Variants in HNRNPA1 observed in about 807,000 individuals in gnomAD.
HNRNPA1 encodes epididymis secretory sperm binding protein.
Under a neutral mutation model 44.4 loss-of-function variants are expected in HNRNPA1, and 7 were observed. That is an observed-to-expected ratio of 0.16 (90% CI 0.09 to 0.30). The LOEUF is 0.30. Among genes scored for constraint, HNRNPA1 ranks in the 10% least tolerant of loss-of-function variants. The probability of loss-of-function intolerance (pLI) is 1.00; values close to 1 mark genes in which losing one functional copy is unlikely to be tolerated. For missense variants in HNRNPA1, 193 were observed against 465.8 expected (o/e 0.41, Z 5.39); for synonymous variants, 169 against 160.6 (o/e 1.05, Z -0.40).
intron 7 of HNRNPA1, 68 bp downstream of exon 7, chr12:54,282,942 G>A: frequency 6.7e-7 from 1 of 1,490,190 alleles, no homozygotes; most frequent in Non-Finnish European, 9.1e-7. Context: ...GGTTAGTAGA[G>A]ACTAAAATTC....
At chr12:54,282,372 T>C (rs1944187230) in intron 4 of HNRNPA1, 22 bp from the exon 5 acceptor site, 3 of 1,610,794 alleles carry the variant, frequency 1.9e-6, no homozygotes, top group Admixed American at 1.7e-5. Flanking sequence ...GATACCATGT[T>C]GTATCTATGT....
intron 7 of HNRNPA1, 32 bp from the exon 8 acceptor site, chr12:54,283,047 T>G (rs766464931): frequency 6.2e-7 from 1 of 1,607,748 alleles, no homozygotes; most frequent in Non-Finnish European, 8.5e-7. Context: ...TCAAATACTT[T>G]TGTCTTATTG....
intron 7 of HNRNPA1, 42 bp from the exon 8 acceptor site, chr12:54,283,037 T>C (rs1385058193): frequency 1.9e-6 from 3 of 1,602,760 alleles, no homozygotes; most frequent in Non-Finnish European, 2.6e-6. Flanking sequence ...GTTTTCATTG[T>C]CAAATACTTT....
At chr12:54,284,213 A>G in intron 9 of HNRNPA1, 45 bp from the exon 10 acceptor site, 1 of 1,582,392 alleles carries the variant, frequency 6.3e-7, no homozygotes, top group Non-Finnish European at 8.7e-7. Flanking sequence ...TGAAAACATT[A>G]CTGTTGGCAC....
In HNRNPA1 at chr12:54,286,934, C is replaced by G. The variant is rs551880122; in HGVS notation, c.*2390C>G. 3 of 152,320 alleles carry G rather than the reference C, an allele frequency of 2.0e-5. No individual in the cohort carries two copies. Among genetic ancestry groups the G allele is most frequent in the South Asian group, 4.1e-4 (2 of 4,830 alleles). 9.4% of individuals were successfully genotyped at this position (152,320 alleles called of 1,614,324 possible). On this transcript the variant is annotated 3_prime_UTR_variant, in exon 11 of 11. Transcript: ENST00000340913. ...CTCTGCTTATATGAATACTTTACAA[C>G]CTCTTTTGCCTTTTGCAGGAACGTC...
Position 54,283,804 on chromosome 12 carries a change from A to G in HNRNPA1, c.908-8A>G, listed in dbSNP as rs762809338. The G allele has an allele frequency of 6.2e-7, 1 of 1,613,666 alleles. No homozygotes were observed. Among genetic ancestry groups the G allele is most frequent in the Non-Finnish European group, 8.5e-7 (1 of 1,179,626 alleles). ...GTAACAGATAAAGGCCCTCTTTCCC[A>G]TTCATAGGAAGCAATTTTGGAGGTG... On this transcript the variant is annotated splice_polypyrimidine_tract_variant and splice_region_variant and intron_variant, in intron 8 of 10. Coordinates refer to ENST00000340913, the MANE Select transcript of HNRNPA1 (RefSeq NM_031157.4).
chr12:54,284,326 G>A lies in HNRNPA1; in HGVS notation c.*4+9G>A, dbSNP rs185440272. 630 of 1,612,352 alleles carry A rather than the reference G, an allele frequency of 3.9e-4. 5 individuals carry two copies. In the African/African-American group the frequency reaches 7.9e-3, roughly 20 times the overall value. ...CAGAAGATTTTAATTAGGTAAGTAA[G>A]CACCTTTTTGTGTGTTGACATAATT... On this transcript the variant is annotated intron_variant, in intron 10 of 10. Transcript: ENST00000340913.
At chr12:54,281,156 C>T in intron 1 of HNRNPA1, 3 of 698,514 alleles carry the variant, frequency 4.3e-6, no homozygotes. Flanking sequence ...ACCGCCCAAG[C>T]CTTTGTTGCG....
At position 54,282,557 on chromosome 12, in the gene HNRNPA1, A is replaced by C; in HGVS notation, c.584-16A>C. The C allele has an allele frequency of 6.2e-7, 1 of 1,613,464 alleles. No homozygotes were observed. The highest frequency in any genetic ancestry group is 8.5e-7 in the Non-Finnish European group (1 of 1,179,422). On this transcript the variant is annotated splice_polypyrimidine_tract_variant and intron_variant, in intron 5 of 10. Transcript: ENST00000340913. ...TCCAGTATGAATGATTTAATGCTTA[A>C]ACTTCATGTCTTAAGGTCGAAGTGG...
chr12:54,281,780 T>C lies in HNRNPA1; in HGVS notation c.133-15T>C, dbSNP rs1236382067. ...CGGTCAGACTTTGTGTTACATAAAT[T>C]AACACTGTTCTCAGGTAATGAGAGA... On this transcript the variant is annotated splice_polypyrimidine_tract_variant and intron_variant, in intron 2 of 10. Transcript: ENST00000340913. The C allele has an allele frequency of 1.9e-6, 3 of 1,606,598 alleles. No homozygotes were observed. The highest frequency in any genetic ancestry group is 2.7e-5 in the African/African-American group (2 of 74,424).
At position 54,285,011 on chromosome 12, in the gene HNRNPA1, G is replaced by A. The variant is rs1048199361; in HGVS notation, c.*467G>A. 5.1e-6 allele frequency: 1 copy of A among 194,874 alleles called. No individual in the cohort carries two copies. Among genetic ancestry groups the A allele is most frequent in the Non-Finnish European group, 1.1e-5 (1 of 92,580 alleles). 12.1% of individuals were successfully genotyped at this position (194,874 alleles called of 1,614,324 possible). On this transcript the variant is annotated 3_prime_UTR_variant, in exon 11 of 11. Transcript: ENST00000340913. Reference sequence around the variant, plus strand: ...ATATACAACCTGCTTGGGTGGAGAAGCCATTGTCTTCGGAAACCTTGGTGT... The same window carrying A: ...ATATACAACCTGCTTGGGTGGAGAAACCATTGTCTTCGGAAACCTTGGTGT...
In HNRNPA1 at chr12:54,282,755, C is replaced by G. The variant is rs369918141; in HGVS notation, c.677-45C>G. 1.3e-4 allele frequency: 208 copies of G among 1,580,032 alleles called. No homozygotes were observed. In the African/African-American group the frequency reaches 2.6e-3, roughly 20 times the overall value. ...TACGGGAACTGCATTCAGAATGTCA[C>G]TTTAAGTCCAAGTCATACTTAAAAC... On this transcript the variant is annotated intron_variant, in intron 6 of 10. Transcript: ENST00000340913.
chr12:54,284,148 TAGG>T (rs1944227508), intron 9 of HNRNPA1, 107 bp from the exon 10 acceptor site: 1 of 1,288,600 alleles, frequency 7.8e-7, no homozygotes. Flanking sequence ...TCCCTTGTAG[TAGG>T]GCCATTTTTA....
chr12:54,284,172 C>T, intron 9 of HNRNPA1, 86 bp from the exon 10 acceptor site: 1 of 1,443,372 alleles, frequency 6.9e-7, no homozygotes. Flanking sequence ...AATGGCCAGA[C>T]ACTTGAATTT....
intron 1 of HNRNPA1, 137 bp from the exon 2 acceptor site, chr12:54,281,249 G>T: frequency 1.4e-6 from 1 of 723,082 alleles, no homozygotes. Context: ...CCCTTGATAG[G>T]CAGAAGCACG....
rs1187760820 is a variant in HNRNPA1 at position 54,284,936 on chromosome 12, G to A, written c.*392G>A. ...GCCATCTTGGTAAATTTCCCCAACA[G>A]TGTGAAGTTAGAATTCCTTCAGGGT... On this transcript the variant is annotated 3_prime_UTR_variant, in exon 11 of 11. Transcript: ENST00000340913. 1 of 240,134 alleles carries A rather than the reference G, an allele frequency of 4.2e-6. No individual in the cohort carries two copies. The highest frequency in any genetic ancestry group is 1.1e-4 in the East Asian group (1 of 8,904). 14.9% of individuals were successfully genotyped at this position (240,134 alleles called of 1,614,324 possible).
At chr12:54,281,296 G>C in intron 1 of HNRNPA1, 90 bp from the exon 2 acceptor site, 1 of 767,190 alleles carries the variant, frequency 1.3e-6, no homozygotes, top group Non-Finnish European at 2.3e-6. Flanking sequence ...TAAGTGCTAG[G>C]TACACAGTTG....
At position 54,283,290 on chromosome 12, in the gene HNRNPA1, C is replaced by G. The variant is rs1009110031; in HGVS notation, c.907+56C>G. On this transcript the variant is annotated intron_variant, in intron 8 of 10. Transcript: ENST00000340913. ...TGACAGCTAGATTAGCCTTTTAGAG[C>G]TTGGGTTCTGGTGCTGTTGAAGCAT... The G allele has an allele frequency of 6.3e-6, 10 of 1,577,074 alleles. No individual in the cohort carries two copies. In the African/African-American group the frequency reaches 1.2e-4, roughly 19 times the overall value.
intron 2 of HNRNPA1, 59 bp from the exon 3 acceptor site, chr12:54,281,736 A>G: frequency 6.5e-7 from 1 of 1,546,520 alleles, no homozygotes; most frequent in Non-Finnish European, 8.7e-7. Context: ...ATTCAAAGTT[A>G]AAATGACAAA....
Sources: gnomAD v4.1 joint callset for allele counts on GRCh38, gnomAD v4.1.1 for gene constraint, MANE v1.5 for transcripts, NCBI Gene and HGNC (gene_info 2026-07-23, HGNC 2026-07-21) for gene names.